The following AOPEP variants were observed in gnomAD, a reference collection of about 807,000 sequenced individuals.
AOPEP encodes the protein aminopeptidase O (putative), also known as aminopeptidase O.
AOPEP carries 77 observed loss-of-function variants against 98.1 expected under a neutral mutation model. The observed-to-expected ratio is 0.78, with a 90% CI of 0.65 to 0.95. The LOEUF is 0.95. Among genes scored for constraint, AOPEP ranks in the 40% least tolerant of loss-of-function variants. AOPEP has a pLI of 0.00. For missense variants in AOPEP, 1,024 were observed against 1,024.7 expected (o/e 1.00, Z 0.01); for synonymous variants, 346 against 365.3 (o/e 0.95, Z 0.60).
At chr9:94,988,167 C>G (rs1183656335) in intron 11 of AOPEP, among the ~76,000 whole-genome samples, 1 of 152,200 alleles carries the variant, frequency 6.6e-6, no homozygotes, top group Non-Finnish European at 1.5e-5. Context: ...CCAATGGTGT[C>G]TGTCTATCCA....
chr9:94,924,176 G>A lies in AOPEP; in HGVS notation c.1554+1G>A. The A allele has an allele frequency of 2.9e-6, 4 of 1,369,472 alleles. No homozygotes were observed. The highest frequency in any genetic ancestry group is 3.8e-6 in the Non-Finnish European group (4 of 1,050,996). 84.8% of individuals were successfully genotyped at this position (1,369,472 alleles called of 1,614,324 possible). On this transcript the variant is annotated splice_donor_variant, in intron 6 of 16. Transcript: ENST00000375315. LOFTEE classifies it high-confidence loss of function. ...TGTGTTTTGGGCCACAGCACAGCAG[G>A]TGGGTTAAAGTGACCCTAAGTATTT... is the stretch of plus-strand genomic sequence containing the variant.
chr9:94,894,987 A>G (rs929756811), intron 5 of AOPEP, among the ~76,000 whole-genome samples: 27 of 152,178 alleles, frequency 1.8e-4, no homozygotes, highest in African/African-American at 6.5e-4. Context: ...TTTCTAATAA[A>G]TACTTCTAGA....
chr9:94,778,105 A>G (rs937862868), intron 3 of AOPEP, among the ~76,000 whole-genome samples: 1 of 152,248 alleles, frequency 6.6e-6, no homozygotes, highest in African/African-American at 2.4e-5. Context: ...ATAGTATTTT[A>G]CACCTAGTTA....
At chr9:95,098,825 T>C in the AOPEP span, among the ~76,000 whole-genome samples, 2 of 152,236 alleles carry the variant, frequency 1.3e-5, no homozygotes, top group African/African-American at 2.4e-5. Context: ...TAACCTGATC[T>C]TGGCAGGCCC....
chr9:94,829,230 A>G (rs1257705208), intron 5 of AOPEP, among the ~76,000 whole-genome samples: 2 of 152,066 alleles, frequency 1.3e-5, no homozygotes, highest in African/African-American at 4.8e-5. Context: ...GCACACACAC[A>G]CATAATTACA....
the AOPEP span, chr9:95,150,014 G>C: frequency 1.9e-6 from 3 of 1,614,102 alleles, no homozygotes; most frequent in Non-Finnish European, 2.5e-6. Flanking sequence ...GCCTCCACCA[G>C]GGGGTCAACA....
At chr9:94,839,055 C>T (rs1209853074) in intron 5 of AOPEP, among the ~76,000 whole-genome samples, 23 of 148,916 alleles carry the variant, frequency 1.5e-4, no homozygotes, top group African/African-American at 4.4e-4. Flanking sequence ...GGACTACAGG[C>T]GTGCGCCACC....
intron 7 of AOPEP, among the ~76,000 whole-genome samples, chr9:94,952,659 G>C (rs2058184718): frequency 6.6e-6 from 1 of 152,204 alleles, no homozygotes; most frequent in Non-Finnish European, 1.5e-5. Flanking sequence ...AGCATTGTGA[G>C]AACCAGAGTA....
intron 1 of AOPEP, among the ~76,000 whole-genome samples, chr9:94,752,904 A>G (rs1255281540): frequency 2.0e-5 from 3 of 152,216 alleles, no homozygotes; most frequent in East Asian, 1.9e-4. Context: ...TTCAACTGGT[A>G]CTTTGAGATG....
chr9:94,788,218 G>C (rs886243339), intron 3 of AOPEP, among the ~76,000 whole-genome samples: 1 of 151,876 alleles, frequency 6.6e-6, no homozygotes, highest in Non-Finnish European at 1.5e-5. Flanking sequence ...TCACAGGCAG[G>C]CACCACCAAT....
chr9:95,098,537 C>A, the AOPEP span, among the ~76,000 whole-genome samples: 1 of 152,108 alleles, frequency 6.6e-6, no homozygotes, highest in Non-Finnish European at 1.5e-5. Flanking sequence ...TGTCCCATAG[C>A]CGGAAGCATG....
At chr9:95,117,008 G>C in the AOPEP span, among the ~76,000 whole-genome samples, 4 of 152,190 alleles carry the variant, frequency 2.6e-5, no homozygotes, top group African/African-American at 9.7e-5. Flanking sequence ...CCTGTTCCTG[G>C]CATCTGGTGG....
chr9:95,062,664 T>C (rs1170433483), intron 14 of AOPEP, among the ~76,000 whole-genome samples: 2 of 152,210 alleles, frequency 1.3e-5, no homozygotes. Flanking sequence ...TGCTTCTGTG[T>C]ATGGGCTGTG....
intron 5 of AOPEP, among the ~76,000 whole-genome samples, chr9:94,899,404 T>A (rs997718176): frequency 3.3e-5 from 5 of 151,224 alleles, no homozygotes; most frequent in Non-Finnish European, 7.4e-5. Flanking sequence ...ACATTTGCTA[T>A]TTTTTTATAT....
At chr9:95,063,485 C>T (rs2133956836) in intron 14 of AOPEP, among the ~76,000 whole-genome samples, 1 of 152,280 alleles carries the variant, frequency 6.6e-6, no homozygotes, top group African/African-American at 2.4e-5. Flanking sequence ...GCAGACTCCA[C>T]TGAGCGCTTT....
chr9:94,731,460 C>T (rs1381757668), intron 1 of AOPEP, among the ~76,000 whole-genome samples: 1 of 151,676 alleles, frequency 6.6e-6, no homozygotes, highest in African/African-American at 2.4e-5. Context: ...TCTCCTGACC[C>T]CGTGATCCGC....
intron 2 of AOPEP, among the ~76,000 whole-genome samples, chr9:94,770,962 C>T (rs552630544): frequency 6.6e-6 from 1 of 152,284 alleles, no homozygotes; most frequent in East Asian, 1.9e-4. Context: ...CTTTCCTTCT[C>T]CCTCTTCTTC....
chr9:94,935,289 A>T (rs956428645), intron 7 of AOPEP: 5 of 152,290 alleles, frequency 3.3e-5, no homozygotes, highest in African/African-American at 1.2e-4. Context: ...CGAGCAGGTG[A>T]CAGCATCATG....
At chr9:94,743,666 A>G (rs1833781843) in intron 1 of AOPEP, among the ~76,000 whole-genome samples, 1 of 152,094 alleles carries the variant, frequency 6.6e-6, no homozygotes. Flanking sequence ...ATGAGGGAGG[A>G]GGGAGATGGC....
Sources: gnomAD v4.1 joint callset for allele counts (sites outside exome capture counted in the v4.1 genomes callset) on GRCh38, gnomAD v4.1.1 for gene constraint, MANE v1.5 for transcripts, NCBI Gene and HGNC (gene_info 2026-07-23, HGNC 2026-07-21) for gene names.